PLCXD1: variants seen among roughly 807,000 people sequenced by gnomAD.
PLCXD1 encodes phosphatidylinositol specific phospholipase C X domain containing 1.
In PLCXD1, 45 loss-of-function variants were observed where a neutral mutation model predicts 37.8. The observed-to-expected ratio is 1.19, with a 90% CI of 0.94 to 1.53. The LOEUF (loss-of-function observed/expected upper bound fraction) is 1.53, where lower values mean the gene tolerates loss of function less well. Among genes scored for constraint, PLCXD1 ranks in the 40% most tolerant of loss-of-function variants. The pLI is 0.00. For missense variants in PLCXD1, 539 were observed against 454.7 expected, an observed-to-expected ratio of 1.19 and a Z score of -1.69; for synonymous variants, 246 against 206.9, an observed-to-expected ratio of 1.19 and a Z score of -1.62.
chrX:288,980 G>T, intron 3 of PLCXD1, 111 bp downstream of exon 3: 1 of 1,022,204 alleles, frequency 9.8e-7, no homozygotes. Flanking sequence ...GGTGCCCTGT[G>T]GGCTCAGGAG....
chrX:292,732 C>A (rs912999467), intron 5 of PLCXD1, among the ~76,000 whole-genome samples: 1 of 151,970 alleles, frequency 6.6e-6, no homozygotes, highest in African/African-American at 2.4e-5. Flanking sequence ...CCTACCTCAG[C>A]CTTCTGACTA....
Position 302,147 on chromosome X carries a change from T to G in PLCXD1, c.*2812T>G, listed in dbSNP as rs1300942850. The stretch of plus-strand genomic sequence containing the variant: ...CGAGCCAAACCCAGGTATCCGCTTG[T>G]GCCCTGCGTGGTGTGGCAGCGTCTT... On this transcript the variant is annotated 3_prime_UTR_variant, in exon 7 of 7. Coordinates refer to ENST00000381657, the MANE Select transcript of PLCXD1 (RefSeq NM_018390.4). 1.3e-5 allele frequency: 2 copies of G among 152,110 alleles called. No individual in the cohort carries two copies. The highest frequency in any genetic ancestry group is 2.4e-5 in the African/African-American group (1 of 41,412). The allele number at this position is 152,110 out of a possible 1,614,324, so 9.4% of individuals were successfully genotyped here.
At chrX:290,429 CA>C (rs56084430) in intron 3 of PLCXD1, among the ~76,000 whole-genome samples, 90,787 of 126,128 alleles carry the variant, frequency 0.72, 30,926 homozygotes, top group Middle Eastern at 0.77. Context: ...GACTCCGTCT[CA>C]AAAAAAAAAA....
chrX:295,674 G>T (rs190696410), intron 6 of PLCXD1, among the ~76,000 whole-genome samples: 23 of 150,682 alleles, frequency 1.5e-4, no homozygotes, highest in East Asian at 1.4e-3. Flanking sequence ...ACAGGCGCCC[G>T]CCACCACACC....
chrX:298,539 TTCTG>T (rs1485819249), intron 6 of PLCXD1, among the ~76,000 whole-genome samples: 35 of 39,420 alleles, frequency 8.9e-4, no homozygotes, highest in Non-Finnish European at 1.1e-3. Flanking sequence ...GGGGACATTA[TTCTG>T]TCTATCACAT....
rs2070005686 is a variant in PLCXD1, at chrX:301,167, C to T, written c.*1832C>T. 1 of 152,196 alleles carries T rather than the reference C, an allele frequency of 6.6e-6. No homozygotes were observed. Among genetic ancestry groups the T allele is most frequent in the Non-Finnish European group, 1.5e-5 (1 of 68,116 alleles). 9.4% of individuals were successfully genotyped at this position (152,196 alleles called of 1,614,324 possible). A position where few individuals can be genotyped will look rare whatever the true frequency, so the allele number is the denominator to read the frequency against. ...CTGGGGCTCCAGGGACACACCCCCACTGCTGGCTAATTTTTGTATTTTTGG... is the reference window on the plus strand; with the variant it reads ...CTGGGGCTCCAGGGACACACCCCCATTGCTGGCTAATTTTTGTATTTTTGG... On this transcript the variant is annotated 3_prime_UTR_variant, in exon 7 of 7. Transcript: ENST00000381657.
rs200485494 is a variant in PLCXD1 at position 288,904 on chromosome X, G to C, written c.264+35G>C. The C allele has an allele frequency of 5.0e-6, 8 of 1,605,700 alleles. No individual in the cohort carries two copies. The Admixed American group carries it at 1.3e-4, about 27-fold the overall frequency. On this transcript the variant is annotated intron_variant, in intron 3 of 6. Coordinates refer to ENST00000381657, the MANE Select transcript of PLCXD1 (RefSeq NM_018390.4). Reference sequence around the variant, plus strand: ...GTGCCCCGTGCTGCTGACCTGGCCTGTCAGCTATGTGGGGCCCACGGCCCC... The same window carrying C: ...GTGCCCCGTGCTGCTGACCTGGCCTCTCAGCTATGTGGGGCCCACGGCCCC...
chrX:301,216 GCA>G lies in PLCXD1; in HGVS notation c.*1884_*1885del, dbSNP rs1258496966. On this transcript the variant is annotated 3_prime_UTR_variant, in exon 7 of 7. Coordinates refer to ENST00000381657, the MANE Select transcript of PLCXD1 (RefSeq NM_018390.4). ...GGTAGAGTCAGGGTTTCACCACATG[GCA>G]CAGTCTGGTCTCAAATTCCTGGGCT... The G allele has an allele frequency of 6.6e-6, 1 of 152,124 alleles. No individual in the cohort carries two copies. The highest frequency in any genetic ancestry group is 1.5e-5 in the Non-Finnish European group (1 of 68,058). The allele number at this position is 152,124 out of a possible 1,614,324, so 9.4% of individuals were successfully genotyped here.
At chrX:286,284 C>G (rs1468419029) in intron 2 of PLCXD1, among the ~76,000 whole-genome samples, 1 of 152,022 alleles carries the variant, frequency 6.6e-6, no homozygotes, top group Non-Finnish European at 1.5e-5. Flanking sequence ...AAGCTGGTCT[C>G]GAACTCCCGA....
upstream of PLCXD1, among the ~76,000 whole-genome samples, chrX:279,189 G>C (rs2069211940): frequency 6.6e-6 from 1 of 152,204 alleles, no homozygotes; most frequent in Non-Finnish European, 1.5e-5. Context: ...GGCTAAGGTA[G>C]GGCAGGGAGA....
upstream of PLCXD1, among the ~76,000 whole-genome samples, chrX:276,723 C>T (rs1424825864): frequency 2.6e-5 from 4 of 152,148 alleles, no homozygotes; most frequent in South Asian, 2.1e-4. Context: ...CTTGCTTGGC[C>T]GGTTGGACGT....
chrX:280,336 G>A (rs1267199728), upstream of PLCXD1, among the ~76,000 whole-genome samples: 1 of 95,554 alleles, frequency 1.0e-5, no homozygotes, highest in Non-Finnish European at 2.3e-5. Flanking sequence ...GCAGGGGGAG[G>A]GGAGGCCGTG....
Position 288,726 on chromosome X carries a change from C to T in PLCXD1, c.128-7C>T. 1 of 1,613,788 alleles carries T rather than the reference C, an allele frequency of 6.2e-7. No homozygotes were observed. The highest frequency in any genetic ancestry group is 8.5e-7 in the Non-Finnish European group (1 of 1,179,742). ...GTGACATGTCCGCGTGTGTGCTTTG[C>T]TCTCAGGGAGCCACGACACGATGAC... On this transcript the variant is annotated splice_region_variant and splice_polypyrimidine_tract_variant and intron_variant, in intron 2 of 6. Coordinates refer to ENST00000381657, the MANE Select transcript of PLCXD1 (RefSeq NM_018390.4).
At chrX:297,756 T>C (rs1246003355) in intron 6 of PLCXD1, among the ~76,000 whole-genome samples, 2 of 62,150 alleles carry the variant, frequency 3.2e-5, no homozygotes, top group East Asian at 1.6e-3. Context: ...GGGCTGTTAT[T>C]CTGTCTATCA....
Position 288,751 on chromosome X carries a change from C to T in PLCXD1, c.146C>T (p.Thr49Met), listed in dbSNP as rs769309830. Residue 49 changes from threonine to methionine, a missense_variant, in exon 3 of 7, where the codon ACG becomes ATG. By Grantham distance (81) the Thr-to-Met change is moderately conservative. Transcript: ENST00000381657. Reference protein sequence around the residue: ...LSIPGSHDTMTYCLNKKSPIS... With the variant: ...LSIPGSHDTMMYCLNKKSPIS... ...CTCTCAGGGAGCCACGACACGATGA[C>T]GTACTGCCTGAACAAGAAGTCCCCC... 35 of 1,613,852 alleles carry T rather than the reference C, an allele frequency of 2.2e-5. No individual in the cohort carries two copies. The highest frequency in any genetic ancestry group is 6.7e-5 in the East Asian group (3 of 44,878).
intron 6 of PLCXD1, among the ~76,000 whole-genome samples, chrX:298,290 A>G (rs1479985593): frequency 2.6e-4 from 6 of 22,800 alleles, no homozygotes; most frequent in Non-Finnish European, 3.8e-4. Flanking sequence ...CTTTGGGGAC[A>G]TTATTCTGTC....
At chrX:290,012 C>T (rs764623892) in intron 3 of PLCXD1, among the ~76,000 whole-genome samples, 8 of 152,040 alleles carry the variant, frequency 5.3e-5, no homozygotes, top group East Asian at 2.0e-4. Context: ...GACTGGAGTG[C>T]GGTGGTGCGA....
intron 2 of PLCXD1, among the ~76,000 whole-genome samples, chrX:285,669 AC>A: frequency 6.6e-6 from 1 of 152,250 alleles, no homozygotes; most frequent in South Asian, 2.1e-4. Context: ...ACGTAGACAC[AC>A]GTCCATGCAC....
intron 1 of PLCXD1, chrX:283,309 G>C (rs2069334567): frequency 1.3e-5 from 2 of 150,804 alleles, no homozygotes; most frequent in Middle Eastern, 3.5e-3. Flanking sequence ...GGCTCCCCTG[G>C]ACTGAGACAG....
Sources: allele counts gnomAD v4.1 joint callset (sites outside exome capture counted in the v4.1 genomes callset), GRCh38; gene constraint gnomAD v4.1.1; transcripts MANE v1.5; gene names NCBI Gene and HGNC (gene_info 2026-07-23, HGNC 2026-07-21).